Variants in TASP1 observed in about 807,000 individuals in gnomAD.
The protein encoded by TASP1 is threonine aspartase 1.
A neutral mutation model predicts 56.6 loss-of-function variants in TASP1; 16 were observed. That is an observed-to-expected ratio of 0.28 (90% confidence interval 0.19 to 0.43). The LOEUF (loss-of-function observed/expected upper bound fraction) is 0.43. TASP1 is among the 20% of genes least tolerant of loss of function. TASP1 has a pLI of 1.00. For synonymous variants in TASP1, 179 were observed against 184.2 expected (o/e 0.97, Z 0.23); for missense variants, 393 against 511.6 (o/e 0.77, Z 2.24).
chr20:13,632,005 T>C (rs1231359989), intron 1 of TASP1, among the ~76,000 whole-genome samples: 1 of 151,736 alleles, frequency 6.6e-6, no homozygotes, highest in Non-Finnish European at 1.5e-5. Context: ...TGAGCTGCGA[T>C]CGCGCCACTG....
At chr20:13,399,535 T>C (rs543277481) in intron 13 of TASP1, among the ~76,000 whole-genome samples, 2 of 152,296 alleles carry the variant, frequency 1.3e-5, no homozygotes, top group East Asian at 3.9e-4. Flanking sequence ...GAGTCATCAT[T>C]GCCTTTTCTA....
At chr20:13,633,082 C>T (rs2049157577) in intron 1 of TASP1, among the ~76,000 whole-genome samples, 1 of 152,018 alleles carries the variant, frequency 6.6e-6, no homozygotes, top group African/African-American at 2.4e-5. Flanking sequence ...TTGGCAAAAT[C>T]AATCAAAATT....
chr20:13,176,860 A>G, the TASP1 span, among the ~76,000 whole-genome samples: 1 of 152,320 alleles, frequency 6.6e-6, no homozygotes, highest in Non-Finnish European at 1.5e-5. Context: ...CCCACGTACA[A>G]TCGCTACCAA....
intron 10 of TASP1, among the ~76,000 whole-genome samples, chr20:13,492,405 T>C (rs2043566700): frequency 6.6e-6 from 1 of 152,218 alleles, no homozygotes; most frequent in Non-Finnish European, 1.5e-5. Context: ...ACACAGTACG[T>C]CACCTTTTCC....
the TASP1 span, among the ~76,000 whole-genome samples, chr20:13,204,423 T>C: frequency 6.6e-6 from 1 of 152,196 alleles, no homozygotes; most frequent in East Asian, 1.9e-4. Context: ...GAAATATTAC[T>C]GAGGCCTCCT....
chr20:13,631,365 G>A (rs1333153900), intron 1 of TASP1, among the ~76,000 whole-genome samples: 1 of 152,112 alleles, frequency 6.6e-6, no homozygotes, highest in East Asian at 1.9e-4. Flanking sequence ...TTGTTTTGTG[G>A]TGGTGTGTTT....
At chr20:13,574,855 C>A (rs2046842653) in intron 6 of TASP1, among the ~76,000 whole-genome samples, 1 of 151,910 alleles carries the variant, frequency 6.6e-6, no homozygotes. Context: ...TAAACTACTA[C>A]AAGAGGCTGA....
intron 4 of TASP1, among the ~76,000 whole-genome samples, chr20:13,612,491 A>AACACACACACACACACACAC (rs34343791): frequency 6.9e-6 from 1 of 143,994 alleles, no homozygotes; most frequent in Admixed American, 7.0e-5. Flanking sequence ...ATTTGTAGCA[A>AACACACACACACACACACAC]ACACACACAC....
the TASP1 span, among the ~76,000 whole-genome samples, chr20:13,266,034 C>T: frequency 6.6e-6 from 1 of 152,142 alleles, no homozygotes; most frequent in Non-Finnish European, 1.5e-5. Context: ...GAGAGAAAGG[C>T]AAATGGCAAA....
At chr20:13,420,214 TA>T (rs200591322) in intron 12 of TASP1, among the ~76,000 whole-genome samples, 1,691 of 152,302 alleles carry the variant, frequency 0.011, 14 homozygotes, top group Non-Finnish European at 0.019. Flanking sequence ...TAATGATTTT[TA>T]AATGTATTAT....
At chr20:13,373,937 A>T in the TASP1 span, among the ~76,000 whole-genome samples, 1 of 150,712 alleles carries the variant, frequency 6.6e-6, no homozygotes, top group African/African-American at 2.4e-5. Flanking sequence ...TCTTCATTTT[A>T]TTTTCTCACT....
chr20:13,496,410 C>T (rs765820571), intron 10 of TASP1, among the ~76,000 whole-genome samples: 4 of 151,670 alleles, frequency 2.6e-5, no homozygotes, highest in East Asian at 1.9e-4. Context: ...ATACTATCAT[C>T]GCCTAGAGGC....
the TASP1 span, among the ~76,000 whole-genome samples, chr20:13,308,843 G>A: frequency 6.6e-6 from 1 of 152,118 alleles, no homozygotes; most frequent in African/African-American, 2.4e-5. Flanking sequence ...ACATGAATGA[G>A]ATTAGCATCC....
chr20:13,512,674 C>T (rs141233774), intron 10 of TASP1, among the ~76,000 whole-genome samples: 3,303 of 152,224 alleles, frequency 0.022, 112 homozygotes, highest in African/African-American at 0.071. Flanking sequence ...GAAGTCTTTG[C>T]CCATGCCTAT....
chr20:13,250,554 G>C, the TASP1 span, among the ~76,000 whole-genome samples: 1 of 152,140 alleles, frequency 6.6e-6, no homozygotes, highest in Non-Finnish European at 1.5e-5. Flanking sequence ...GAATCGCCTG[G>C]GGATCTTTTT....
chr20:13,126,652 C>T, the TASP1 span: 10 of 1,614,050 alleles, frequency 6.2e-6, 1 homozygote, highest in South Asian at 9.9e-5. Context: ...TCCATGAGCC[C>T]ACCGATAGCA....
intron 10 of TASP1, among the ~76,000 whole-genome samples, chr20:13,518,799 C>G (rs6134899): frequency 6.6e-6 from 1 of 151,958 alleles, no homozygotes; most frequent in African/African-American, 2.4e-5. Context: ...AATAGAACCA[C>G]CATTTGACCC....
At chr20:13,281,516 T>C in the TASP1 span, among the ~76,000 whole-genome samples, 18 of 152,324 alleles carry the variant, frequency 1.2e-4, no homozygotes, top group Middle Eastern at 6.8e-3. Context: ...TACTGCACTT[T>C]ACAGATGGGA....
At chr20:13,123,172 A>T in the TASP1 span, among the ~76,000 whole-genome samples, 7 of 151,980 alleles carry the variant, frequency 4.6e-5, no homozygotes, top group African/African-American at 1.7e-4. Flanking sequence ...CTCTACTAAA[A>T]ATACAAAAAT....
Sources: gnomAD v4.1 joint callset for allele counts (sites outside exome capture counted in the v4.1 genomes callset) on GRCh38, gnomAD v4.1.1 for gene constraint, MANE v1.5 for transcripts, NCBI Gene and HGNC (gene_info 2026-07-23, HGNC 2026-07-21) for gene names.